The following PCDHGA7 variants were observed in gnomAD, a reference collection of about 807,000 sequenced individuals.
The protein encoded by PCDHGA7 is protocadherin gamma-A7.
Under a neutral mutation model 58.3 loss-of-function variants are expected in PCDHGA7, and 44 were observed. That is an observed-to-expected ratio of 0.75 (90% CI 0.59 to 0.97). The LOEUF (loss-of-function observed/expected upper bound fraction) is 0.97, where lower values mean the gene tolerates loss of function less well. Among genes scored for constraint, PCDHGA7 ranks in the 50% least tolerant of loss-of-function variants. PCDHGA7 has a pLI of 0.00. For missense variants in PCDHGA7, 1,266 were observed against 1,188.7 expected (o/e 1.06, Z -0.96); for synonymous variants, 516 against 504.2 (o/e 1.02, Z -0.31).
Position 141,490,731 on chromosome 5 carries a change from G to A in PCDHGA7, c.2425-4076G>A, listed in dbSNP as rs139283997. The A allele has an allele frequency of 6.8e-6, 11 of 1,614,080 alleles. No homozygotes were observed. In the African/African-American group the frequency reaches 1.1e-4, roughly 16 times the overall value. Reference sequence around the variant, plus strand: ...TCACCTACTCCATTGTAGGAAATCAGGTTCAGGGAGCCCCAGCCTCCTCCT... The same window carrying A: ...TCACCTACTCCATTGTAGGAAATCAAGTTCAGGGAGCCCCAGCCTCCTCCT... On this transcript the variant is annotated intron_variant, in intron 1 of 3. Transcript: ENST00000518325. The surrounding 1 kb of genome is among the most constrained non-coding windows in gnomAD (Gnocchi z 5.4).
At chr5:141,439,266 G>A (rs1314903524) in intron 1 of PCDHGA7, among the ~76,000 whole-genome samples, 1 of 151,952 alleles carries the variant, frequency 6.6e-6, no homozygotes, top group Non-Finnish European at 1.5e-5. Context: ...TCAGCCAACA[G>A]TTCATTCTGA....
rs763072566 is a variant in PCDHGA7 at position 141,419,417 on chromosome 5, T to G, written c.2424+34094T>G. The stretch of plus-strand genomic sequence containing the variant: ...CGGGGTGGTGTTCGCGCAGCGCGCC[T>G]TCGACCACGAGCAGCTGCGCACCTT... On this transcript the variant is annotated intron_variant, in intron 1 of 3. Transcript: ENST00000518325. 3.0e-5 allele frequency: 48 copies of G among 1,613,288 alleles called. No homozygotes were observed. Among genetic ancestry groups the G allele is most frequent in the Non-Finnish European group, 3.8e-5 (45 of 1,179,884 alleles).
intron 1 of PCDHGA7, chr5:141,415,469 C>T (rs1247738517): frequency 1.9e-6 from 3 of 1,614,208 alleles, no homozygotes; most frequent in South Asian, 2.2e-5. Flanking sequence ...TCTCTCACCG[C>T]GGACTCGCGA....
intron 1 of PCDHGA7, chr5:141,407,933 TG>T: frequency 2.0e-6 from 1 of 505,054 alleles, no homozygotes; most frequent in Non-Finnish European, 3.4e-6. Flanking sequence ...ACGGAGCCTC[TG>T]GGCGCCGCTG....
Position 141,490,909 on chromosome 5 carries a change from G to C in PCDHGA7, c.2425-3898G>C. ...ATCTCTGCATGTGTTTGTCCTAGAC[G>C]AGAATGATAATGCCCCAGCTGTGCT... On this transcript the variant is annotated intron_variant, in intron 1 of 3. Coordinates refer to ENST00000518325, the MANE Select transcript of PCDHGA7 (RefSeq NM_018920.4). This position sits in a 1 kb window ranked among gnomAD's most constrained non-coding sequence, Gnocchi z 5.4. 1 of 1,613,744 alleles carries C rather than the reference G, an allele frequency of 6.2e-7. No individual in the cohort carries two copies. The highest frequency in any genetic ancestry group is 2.2e-5 in the East Asian group (1 of 44,870).
intron 1 of PCDHGA7, chr5:141,403,373 A>C: frequency 6.2e-7 from 1 of 1,614,074 alleles, no homozygotes; most frequent in Non-Finnish European, 8.5e-7. Flanking sequence ...TCTGGAAGTA[A>C]AAATTAACGA....
At chr5:141,386,780 A>C (rs1209529195) in intron 1 of PCDHGA7, among the ~76,000 whole-genome samples, 3 of 152,202 alleles carry the variant, frequency 2.0e-5, no homozygotes. Flanking sequence ...TGTAAAAGAA[A>C]ATCTCCTGAC....
In PCDHGA7 at chr5:141,489,203, C is replaced by A; in HGVS notation, c.2425-5604C>A. On this transcript the variant is annotated intron_variant, in intron 1 of 3. Transcript: ENST00000518325. The surrounding 1 kb of genome is among the most constrained non-coding windows in gnomAD (Gnocchi z 4.5). ...CCCTGGGTCTACCTTGGAGACAGGA[C>A]AGCACAGACTTACTCTCCACAAAGG... is the stretch of plus-strand genomic sequence containing the variant. 7.1e-7 allele frequency: 1 copy of A among 1,414,834 alleles called. No individual in the cohort carries two copies. Among genetic ancestry groups the A allele is most frequent in the Non-Finnish European group, 9.6e-7 (1 of 1,040,052 alleles). The allele number at this position is 1,414,834 out of a possible 1,614,324, so 87.6% of individuals were successfully genotyped here.
At chr5:141,423,303 G>C (rs779246046) in intron 1 of PCDHGA7, 2 of 1,614,172 alleles carry the variant, frequency 1.2e-6, no homozygotes, top group Non-Finnish European at 1.7e-6. Flanking sequence ...ACCTCTCGCT[G>C]TACTTGGTGG....
intron 1 of PCDHGA7, chr5:141,418,083 T>C: frequency 6.2e-7 from 1 of 1,614,068 alleles, no homozygotes; most frequent in Non-Finnish European, 8.5e-7. Context: ...AAGCTGCACT[T>C]CAGCGTAGAC....
At chr5:141,400,186 TACCTAG>T (rs1474148355) in intron 1 of PCDHGA7, 1 of 1,614,068 alleles carries the variant, frequency 6.2e-7, no homozygotes, top group Non-Finnish European at 8.5e-7. Flanking sequence ...GCTGCAGTTT[TACCTAG>T]TGGTGGCCTT....
At chr5:141,466,827 T>C (rs1414741980) in intron 1 of PCDHGA7, among the ~76,000 whole-genome samples, 1 of 152,194 alleles carries the variant, frequency 6.6e-6, no homozygotes, top group Admixed American at 6.5e-5. Context: ...AACAAGTTAG[T>C]ATGGGTTTAT....
intron 2 of PCDHGA7, among the ~76,000 whole-genome samples, chr5:141,500,138 ACTTTT>A: frequency 6.6e-6 from 1 of 150,560 alleles, no homozygotes; most frequent in Middle Eastern, 3.2e-3. Flanking sequence ...ATCTTTCTAA[ACTTTT>A]CTTTGTGTAA....
In PCDHGA7 at chr5:141,415,072, G is replaced by A. The variant is rs558067255; in HGVS notation, c.2424+29749G>A. On this transcript the variant is annotated intron_variant, in intron 1 of 3. Coordinates refer to ENST00000518325, the MANE Select transcript of PCDHGA7 (RefSeq NM_018920.4). ...GGAGCACACGGGCGAGGTGCGCACG[G>A]CGCGAGCCCTGCTGGACAGAGACGC... 6.2e-5 allele frequency: 100 copies of A among 1,613,418 alleles called. No individual in the cohort carries two copies. The East Asian group carries it at 2.0e-3, about 32-fold the overall frequency.
intron 1 of PCDHGA7, among the ~76,000 whole-genome samples, chr5:141,444,703 T>A (rs963617867): frequency 6.6e-6 from 1 of 152,248 alleles, no homozygotes; most frequent in Non-Finnish European, 1.5e-5. Context: ...TTCCTCTTTC[T>A]GTTGAATTTG....
At position 141,487,780 on chromosome 5, in the gene PCDHGA7, C is replaced by T. The variant is rs1423149; in HGVS notation, c.2425-7027C>T. On this transcript the variant is annotated intron_variant, in intron 1 of 3. Transcript: ENST00000518325. The surrounding 1 kb of genome is among the most constrained non-coding windows in gnomAD (Gnocchi z 5.0). ...TAGACGCTGTGCTTTGTAACTGTTT[C>T]GTGAATTAACCAGAGTTGTCACAGT... 0.06 allele frequency: 91,434 copies of T among 1,526,176 alleles called. 5,728 individuals carry two copies. Among genetic ancestry groups the T allele is most frequent in the African/African-American group, 0.33 (23,789 of 72,466 alleles). The allele number at this position is 1,526,176 out of a possible 1,614,324, so 94.5% of individuals were successfully genotyped here. A position where few individuals can be genotyped will look rare whatever the true frequency, so the allele number is the denominator to read the frequency against.
At chr5:141,437,040 C>G (rs188070264) in intron 1 of PCDHGA7, among the ~76,000 whole-genome samples, 1 of 152,266 alleles carries the variant, frequency 6.6e-6, no homozygotes, top group African/African-American at 2.4e-5. Flanking sequence ...ATCACCGAAA[C>G]CAGAAGGCTG....
At chr5:141,481,649 C>G (rs1199734660) in intron 1 of PCDHGA7, among the ~76,000 whole-genome samples, 1 of 152,012 alleles carries the variant, frequency 6.6e-6, no homozygotes, top group African/African-American at 2.4e-5. Flanking sequence ...GAAACTTCAT[C>G]TCTACTAATA....
In PCDHGA7 at chr5:141,432,596, G is replaced by T; in HGVS notation, c.2424+47273G>T. On this transcript the variant is annotated intron_variant, in intron 1 of 3. Transcript: ENST00000518325. This position sits in a 1 kb window ranked among gnomAD's most constrained non-coding sequence, Gnocchi z 6.0. The stretch of plus-strand genomic sequence containing the variant: ...GTCCTACCGTCTGCTCAAGGCCAGC[G>T]AGCCGGGACTCTTCTCGGTGGGTCT... 6.8e-6 allele frequency: 11 copies of T among 1,613,926 alleles called. No individual in the cohort carries two copies. The highest frequency in any genetic ancestry group is 9.3e-6 in the Non-Finnish European group (11 of 1,179,972).
Sources: gnomAD v4.1 joint callset for allele counts (sites outside exome capture counted in the v4.1 genomes callset) on GRCh38, gnomAD v4.1.1 for gene constraint, Gnocchi (gnomAD v3.1) non-coding constraint, MANE v1.5 for transcripts, NCBI Gene and HGNC (gene_info 2026-07-23, HGNC 2026-07-21) for gene names.